GNAI1: variants seen among roughly 807,000 people sequenced by gnomAD.
GNAI1 encodes the protein guanine nucleotide-binding protein G(i) subunit alpha-1.
Under a neutral mutation model 38.9 loss-of-function variants are expected in GNAI1, and 11 were observed. That is an observed-to-expected ratio of 0.28 (90% confidence interval 0.18 to 0.47). GNAI1 has a LOEUF of 0.47. Ranked by LOEUF, GNAI1 falls within the 20% of genes least tolerant of loss-of-function variation. The pLI, the probability that GNAI1 is intolerant of heterozygous loss-of-function variation, is 0.99. For missense variants in GNAI1, 317 were observed against 436.9 expected, an observed-to-expected ratio of 0.73 and a Z score of 2.45; for synonymous variants, 166 against 145.1, an observed-to-expected ratio of 1.14 and a Z score of -1.04.
intron 1 of GNAI1, among the ~76,000 whole-genome samples, chr7:80,183,510 C>T (rs67077197): frequency 0.031 from 4,677 of 152,216 alleles, 92 homozygotes; most frequent in Middle Eastern, 0.085. Flanking sequence ...CATAAGATAA[C>T]TTGGCTAAAT....
intron 1 of GNAI1, among the ~76,000 whole-genome samples, chr7:80,147,613 C>A (rs1787651048): frequency 6.6e-6 from 1 of 152,152 alleles, no homozygotes; most frequent in Non-Finnish European, 1.5e-5. Context: ...AGTCATTGGA[C>A]TTGAAATAAT....
intron 1 of GNAI1, among the ~76,000 whole-genome samples, chr7:80,172,076 G>T (rs1788106298): frequency 6.6e-6 from 1 of 152,070 alleles, no homozygotes; most frequent in Non-Finnish European, 1.5e-5. Context: ...CTTGTAATCT[G>T]AGCTTTTTGG....
Position 80,224,830 on chromosome 7 carries a change from T to C in GNAI1, c.*7337T>C, listed in dbSNP as rs1388603746. Among the ~76,000 whole-genome samples the C allele has an allele frequency of 6.6e-6, 1 of 152,224 alleles. No homozygotes were observed. The highest frequency in any genetic ancestry group is 1.5e-5 in the Non-Finnish European group (1 of 68,038). On this transcript the variant is annotated 3_prime_UTR_variant, in exon 8 of 8. Transcript: ENST00000649796. ...TACACAGAATTTAAAAATTACATGT[T>C]GAACTGATTTGTGATATATTGGGTT...
chr7:80,222,381 A>AATT lies in GNAI1; in HGVS notation c.*4889_*4891dup, dbSNP rs1491458490. ...TTGAAGGAGCTAGTTCTTCAAATTT[A>AATT]ATTTTTTTTTTTTTTTTTTTCCTGA... On this transcript the variant is annotated 3_prime_UTR_variant, in exon 8 of 8. Transcript: ENST00000649796. Among the ~76,000 whole-genome samples, 1 of 68,664 alleles carries AATT rather than the reference A, an allele frequency of 1.5e-5. No homozygotes were observed. Among genetic ancestry groups the AATT allele is most frequent in the African/African-American group, 5.0e-5 (1 of 20,148 alleles). The allele number at this position is 68,664 out of a possible 152,430, so 45.0% of individuals were successfully genotyped here. A position where few individuals can be genotyped will look rare whatever the true frequency, so the allele number is the denominator to read the frequency against.
Position 80,222,758 on chromosome 7 carries a change from T to C in GNAI1, c.*5265T>C, listed in dbSNP as rs1207167022. Among the ~76,000 whole-genome samples, 1 of 152,136 alleles carries C rather than the reference T, an allele frequency of 6.6e-6. No individual in the cohort carries two copies. Among genetic ancestry groups the C allele is most frequent in the Non-Finnish European group, 1.5e-5 (1 of 68,030 alleles). On this transcript the variant is annotated 3_prime_UTR_variant, in exon 8 of 8. Transcript: ENST00000649796. ...CATAGAATACTAGACAGAGACTATT[T>C]TAGCAGATAAGAGTGCCACTTTTAG...
intron 3 of GNAI1, among the ~76,000 whole-genome samples, chr7:80,190,664 A>G (rs1301846357): frequency 6.6e-6 from 1 of 152,184 alleles, no homozygotes; most frequent in Non-Finnish European, 1.5e-5. Context: ...AAAAAGAATT[A>G]ATAAAAATTG....
At chr7:80,156,982 T>C (rs1404694957) in intron 1 of GNAI1, among the ~76,000 whole-genome samples, 3 of 152,198 alleles carry the variant, frequency 2.0e-5, no homozygotes, top group Non-Finnish European at 4.4e-5. Flanking sequence ...GACTTTAGTT[T>C]TACATTAGAG....
intron 4 of GNAI1, among the ~76,000 whole-genome samples, chr7:80,200,828 T>C (rs991883356): frequency 4.6e-5 from 7 of 152,198 alleles, no homozygotes; most frequent in African/African-American, 1.4e-4. Context: ...CATAAACATA[T>C]TGAATATGTA....
chr7:80,161,004 A>G (rs1787915312), intron 1 of GNAI1, among the ~76,000 whole-genome samples: 1 of 152,166 alleles, frequency 6.6e-6, no homozygotes, highest in Admixed American at 6.6e-5. Flanking sequence ...AAATGGAAGT[A>G]AGTTAACAGA....
At chr7:80,145,834 G>T (rs1787609528) in intron 1 of GNAI1, among the ~76,000 whole-genome samples, 1 of 152,024 alleles carries the variant, frequency 6.6e-6, no homozygotes, top group African/African-American at 2.4e-5. Flanking sequence ...ACCCTGGGTT[G>T]GCTGCAGTTT....
At chr7:80,214,118 A>G (rs780658379) in intron 7 of GNAI1, among the ~76,000 whole-genome samples, 1 of 152,146 alleles carries the variant, frequency 6.6e-6, no homozygotes, top group Non-Finnish European at 1.5e-5. Context: ...AGTGGAACCA[A>G]AAGGGGAGGG....
rs375137700 is a variant in GNAI1, at chr7:80,135,159, C to T, written c.-2C>T. The T allele has an allele frequency of 4.0e-6, 6 of 1,518,430 alleles. No homozygotes were observed. Among genetic ancestry groups the T allele is most frequent in the Admixed American group, 4.0e-5 (2 of 49,936 alleles). The allele number at this position is 1,518,430 out of a possible 1,614,324, so 94.1% of individuals were successfully genotyped here. A position where few individuals can be genotyped will look rare whatever the true frequency, so the allele number is the denominator to read the frequency against. On this transcript the variant is annotated 5_prime_UTR_variant, in exon 1 of 8. Coordinates refer to ENST00000649796, the MANE Select transcript of GNAI1 (RefSeq NM_002069.6). ...CGGCGGCAGGCTCTCGCTTTCGGCA[C>T]CATGGGCTGCACGCTGAGCGCCGAG...
chr7:80,224,666 CTG>C lies in GNAI1; in HGVS notation c.*7179_*7180del, dbSNP rs1338231097. On this transcript the variant is annotated 3_prime_UTR_variant, in exon 8 of 8. Coordinates refer to ENST00000649796, the MANE Select transcript of GNAI1 (RefSeq NM_002069.6). ...GTGCAGTAAAGAAGTAAAGAGCTCT[CTG>C]TGTGTTAACCCTCCATTTCACAAAC... Among the ~76,000 whole-genome samples the C allele has an allele frequency of 7.2e-5, 11 of 152,202 alleles. No homozygotes were observed. In the East Asian group the frequency reaches 1.9e-3, roughly 27 times the overall value.
rs780788488 is a variant in GNAI1, at chr7:80,215,865, G to A, written c.875-1438G>A. Among the ~76,000 whole-genome samples the A allele has an allele frequency of 5.9e-5, 9 of 152,230 alleles. No homozygotes were observed. In the South Asian group the frequency reaches 6.2e-4, roughly 11 times the overall value. ...GTGAAGGCAGGCAGAGATCTCAGCC[G>A]GTGAAGTAGAATGAAGAGGAAGTAC... is the stretch of plus-strand genomic sequence containing the variant. On this transcript the variant is annotated intron_variant, in intron 7 of 7. Coordinates refer to ENST00000649796, the MANE Select transcript of GNAI1 (RefSeq NM_002069.6).
intron 1 of GNAI1, among the ~76,000 whole-genome samples, chr7:80,149,985 C>T (rs1399312577): frequency 6.6e-6 from 1 of 152,096 alleles, no homozygotes; most frequent in Non-Finnish European, 1.5e-5. Flanking sequence ...AACAGCATAC[C>T]ATCTATATAC....
chr7:80,138,807 A>G (rs1787472001), intron 1 of GNAI1, among the ~76,000 whole-genome samples: 5 of 151,882 alleles, frequency 3.3e-5, no homozygotes. Flanking sequence ...ACAAAATTCC[A>G]CACCCTTGTC....
chr7:80,145,168 AT>A (rs1215134473), intron 1 of GNAI1, among the ~76,000 whole-genome samples: 2 of 152,204 alleles, frequency 1.3e-5, no homozygotes, highest in African/African-American at 4.8e-5. Context: ...CCCTTAAGTA[AT>A]TTTTAATCTA....
At chr7:80,188,866 G>T (rs1788432196) in intron 1 of GNAI1, 85 bp from the exon 2 acceptor site, 1 of 811,424 alleles carries the variant, frequency 1.2e-6, no homozygotes, top group Non-Finnish European at 2.1e-6. Context: ...GTGTGTGTGT[G>T]TGTGTGTGTG....
At chr7:80,149,705 A>C (rs2116095641) in intron 1 of GNAI1, among the ~76,000 whole-genome samples, 1 of 152,032 alleles carries the variant, frequency 6.6e-6, no homozygotes, top group African/African-American at 2.4e-5. Flanking sequence ...GTACTTTTTG[A>C]TTTTGTTATT....
Sources: allele counts gnomAD v4.1 joint callset (sites outside exome capture counted in the v4.1 genomes callset), GRCh38; gene constraint gnomAD v4.1.1; transcripts MANE v1.5; gene names NCBI Gene and HGNC (gene_info 2026-07-23, HGNC 2026-07-21).